The following MIA2 variants were observed in gnomAD, a reference collection of about 807,000 sequenced individuals.
MIA2 encodes melanoma inhibitory activity protein 2.
A neutral mutation model predicts 167.8 loss-of-function variants in MIA2; 127 were observed. The observed-to-expected ratio is 0.76, with a 90% CI of 0.66 to 0.88. The LOEUF is 0.88. MIA2 is among the 40% of genes least tolerant of loss of function. The probability of loss-of-function intolerance (pLI) is 0.00; values close to 1 mark genes in which losing one functional copy is unlikely to be tolerated. For synonymous variants in MIA2, 552 were observed against 541.9 expected, an observed-to-expected ratio of 1.02 and a Z score of -0.26; for missense variants, 1,690 against 1,624.7, an observed-to-expected ratio of 1.04 and a Z score of -0.69.
At chr14:39,259,458 T>A (rs2054976136) in intron 6 of MIA2, among the ~76,000 whole-genome samples, 1 of 152,232 alleles carries the variant, frequency 6.6e-6, no homozygotes, top group South Asian at 2.1e-4. Flanking sequence ...GCAAGAGTAA[T>A]CTGAAAATTT....
downstream of MIA2, among the ~76,000 whole-genome samples, chr14:39,352,729 T>G (rs2074422420): frequency 6.6e-6 from 1 of 152,212 alleles, no homozygotes. Context: ...ACTGTATTTT[T>G]AAATTACATT....
chr14:39,345,752 A>G (rs1033444185), intron 25 of MIA2, 152 bp from the exon 26 acceptor site: 3 of 583,226 alleles, frequency 5.1e-6, no homozygotes, highest in East Asian at 2.9e-5. Flanking sequence ...AAAATATGCA[A>G]TTCTTCTGAA....
chr14:39,302,027 T>TAAC, intron 14 of MIA2, 102 bp from the exon 15 acceptor site: 1 of 1,302,996 alleles, frequency 7.7e-7, no homozygotes, highest in Non-Finnish European at 1.0e-6. Context: ...TGTTGTTATT[T>TAAC]ATGTGGACTG....
chr14:39,336,448 G>C (rs2070436434), intron 25 of MIA2, among the ~76,000 whole-genome samples: 1 of 152,034 alleles, frequency 6.6e-6, no homozygotes, highest in South Asian at 2.1e-4. Context: ...AAACTAATAA[G>C]GATTTTAAAA....
chr14:39,234,030 G>C lies in MIA2; in HGVS notation c.-85G>C. Reference sequence around the variant, plus strand: ...TCTCTTATAGTTAGTGAAGAGAGTAGAATATCTCCAGTTTTGGCTGACATC... The same window carrying C: ...TCTCTTATAGTTAGTGAAGAGAGTACAATATCTCCAGTTTTGGCTGACATC... On this transcript the variant is annotated 5_prime_UTR_variant, in exon 1 of 29. Coordinates refer to ENST00000640607, the MANE Select transcript of MIA2 (RefSeq NM_001329214.4). 1 of 735,034 alleles carries C rather than the reference G, an allele frequency of 1.4e-6. No individual in the cohort carries two copies. Among genetic ancestry groups the C allele is most frequent in the Non-Finnish European group, 2.3e-6 (1 of 441,486 alleles). The allele number at this position is 735,034 out of a possible 1,614,324, so 45.5% of individuals were successfully genotyped here.
rs193229957 is a variant in MIA2 at position 39,369,886 on chromosome 14, G to A, written c.2249-16999G>A. Among the ~76,000 whole-genome samples, 358 of 152,104 alleles carry A rather than the reference G, an allele frequency of 2.4e-3. 1 individual carries two copies. The highest frequency in any genetic ancestry group is 7.6e-3 in the African/African-American group (317 of 41,478). On this transcript the variant is annotated intron_variant, in intron 23 of 23. Coordinates refer to the MIA2 transcript ENST00000341502. ...CAGTTGTTTTAAAAAACAACACCCC[G>A]TTTATTAGTTTCTTCTTTGTTCATC...
chr14:39,365,815 T>C (rs906944759), intron 23 of MIA2, among the ~76,000 whole-genome samples: 2 of 152,234 alleles, frequency 1.3e-5, no homozygotes, highest in Non-Finnish European at 2.9e-5. Context: ...TCCAGCATCT[T>C]ATAAATTTCA....
At chr14:39,281,620 T>G (rs1399449468) in intron 9 of MIA2, among the ~76,000 whole-genome samples, 2 of 100,626 alleles carry the variant, frequency 2.0e-5, no homozygotes, top group African/African-American at 1.5e-4. Context: ...TTTGTTTTGG[T>G]TTTTTTTTTT....
At chr14:39,315,642 A>G in intron 20 of MIA2, 41 bp from the exon 21 acceptor site, 1 of 1,461,714 alleles carries the variant, frequency 6.8e-7, no homozygotes, top group South Asian at 1.2e-5. Flanking sequence ...TTACTTAAGA[A>G]AAATAATGGT....
rs1228579915 is a variant in MIA2, at chr14:39,342,433, C to T, written c.3656-3471C>T. Among the ~76,000 whole-genome samples, 6 of 152,086 alleles carry T rather than the reference C, an allele frequency of 3.9e-5. No homozygotes were observed. In the South Asian group the frequency reaches 1.2e-3, roughly 32 times the overall value. ...TCGTTGTTGGACATTTGGGTTGGTT[C>T]CAAGTCTTTGCTATTGTGAATAGTG... On this transcript the variant is annotated intron_variant, in intron 25 of 28. Transcript: ENST00000640607.
At chr14:39,274,788 A>T (rs1348330338) in intron 6 of MIA2, among the ~76,000 whole-genome samples, 1 of 147,916 alleles carries the variant, frequency 6.8e-6, no homozygotes, top group East Asian at 2.0e-4. Flanking sequence ...GCTTTATTTT[A>T]TTTTATTTTT....
intron 25 of MIA2, among the ~76,000 whole-genome samples, chr14:39,341,491 T>C (rs1385786991): frequency 6.6e-6 from 1 of 151,994 alleles, no homozygotes. Flanking sequence ...ATTGCAGAAA[T>C]TGTGGTAGCT....
intron 18 of MIA2, among the ~76,000 whole-genome samples, chr14:39,312,342 A>G (rs1197274454): frequency 1.1e-4 from 17 of 152,228 alleles, no homozygotes; most frequent in Admixed American, 9.8e-4. Flanking sequence ...TGCTTTTCCT[A>G]AGGAGATGAC....
chr14:39,386,013 A>G (rs550479895), intron 23 of MIA2: 197 of 945,840 alleles, frequency 2.1e-4, no homozygotes, highest in Non-Finnish European at 3.2e-4. Context: ...CAGCACCTAC[A>G]GTCTGTCATG....
Position 39,327,310 on chromosome 14 carries a change from A to G in MIA2, c.3655+288A>G, listed in dbSNP as rs114431633. ...ATCCAAACAACACAGAAATGTGTAA[A>G]GAAGTGAAAAATCCCTTTTGTCATC... is the stretch of plus-strand genomic sequence containing the variant. On this transcript the variant is annotated intron_variant, in intron 25 of 28. Transcript: ENST00000640607. Among the ~76,000 whole-genome samples the G allele has an allele frequency of 8.8e-3, 1,339 of 152,322 alleles. 21 individuals are homozygous for G. The highest frequency in any genetic ancestry group is 0.03 in the African/African-American group (1,231 of 41,570).
intron 2 of MIA2, among the ~76,000 whole-genome samples, chr14:39,239,559 A>AAAAAAC (rs1296354261): frequency 3.9e-5 from 6 of 152,164 alleles, no homozygotes; most frequent in Non-Finnish European, 7.3e-5. Context: ...TGTCTCTATT[A>AAAAAAC]AAAAACAAAA....
intron 25 of MIA2, among the ~76,000 whole-genome samples, chr14:39,329,841 C>T: frequency 6.6e-6 from 1 of 152,074 alleles, no homozygotes; most frequent in Non-Finnish European, 1.5e-5. Context: ...GGTGGGTAAG[C>T]TTTTTAATGT....
intron 2 of MIA2, among the ~76,000 whole-genome samples, chr14:39,239,099 C>T (rs1007284044): frequency 6.6e-6 from 1 of 152,102 alleles, no homozygotes; most frequent in Admixed American, 6.6e-5. Flanking sequence ...TGTATAGCCT[C>T]TGTGGTCACT....
At chr14:39,319,054 G>A (rs2065956278) in intron 22 of MIA2, among the ~76,000 whole-genome samples, 155 bp from the exon 23 acceptor site, 1 of 152,098 alleles carries the variant, frequency 6.6e-6, no homozygotes, top group Non-Finnish European at 1.5e-5. Context: ...AGCAGTGGGA[G>A]ATAAAGGTGT....
Sources: allele counts gnomAD v4.1 joint callset (sites outside exome capture counted in the v4.1 genomes callset), GRCh38; gene constraint gnomAD v4.1.1; transcripts MANE v1.5; gene names NCBI Gene and HGNC (gene_info 2026-07-23, HGNC 2026-07-21).